The following PDE10A variants were observed in gnomAD, a reference collection of about 807,000 sequenced individuals.
PDE10A encodes cAMP and cAMP-inhibited cGMP 3',5'-cyclic phosphodiesterase 10A.
In PDE10A, 39 loss-of-function variants were observed where a neutral mutation model predicts 97.7. The observed-to-expected ratio is 0.40, with a 90% confidence interval of 0.31 to 0.52. The LOEUF is 0.52. Ranked by LOEUF, PDE10A falls within the 20% of genes least tolerant of loss-of-function variation. The probability of loss-of-function intolerance (pLI) is 0.56; values close to 1 mark genes in which losing one functional copy is unlikely to be tolerated. For missense variants in PDE10A, 731 were observed against 1,047.8 expected (o/e 0.70, Z 4.17); for synonymous variants, 371 against 376.8 (o/e 0.98, Z 0.18).
intron 1 of PDE10A, among the ~76,000 whole-genome samples, chr6:165,723,572 G>C (rs927691886): frequency 1.3e-5 from 2 of 152,188 alleles, no homozygotes; most frequent in African/African-American, 4.8e-5. Flanking sequence ...CTGCTGGGCC[G>C]TGTGAATTCT....
chr6:165,496,046 G>A (rs544195907), intron 2 of PDE10A, among the ~76,000 whole-genome samples: 4 of 151,896 alleles, frequency 2.6e-5, no homozygotes, highest in African/African-American at 7.3e-5. Flanking sequence ...GGAGCAGGAC[G>A]CAGTATAAAA....
intron 18 of PDE10A, among the ~76,000 whole-genome samples, chr6:165,366,304 A>C (rs2128196481): frequency 6.6e-6 from 1 of 152,310 alleles, no homozygotes; most frequent in Middle Eastern, 3.4e-3. Context: ...ACATACAAAC[A>C]TCAGAAAAGT....
intron 1 of PDE10A, among the ~76,000 whole-genome samples, chr6:165,957,816 C>T (rs530007809): frequency 5.3e-5 from 8 of 152,312 alleles, no homozygotes; most frequent in African/African-American, 1.9e-4. Flanking sequence ...GACAGAACCA[C>T]CTTTAAAATA....
chr6:165,862,934 C>T (rs540899821), intron 1 of PDE10A, among the ~76,000 whole-genome samples: 123 of 152,350 alleles, frequency 8.1e-4, no homozygotes, highest in Non-Finnish European at 1.6e-3. Context: ...CCCGCCTTTG[C>T]TTCCCAAAGT....
At chr6:165,925,686 T>G (rs1463553646) in intron 1 of PDE10A, among the ~76,000 whole-genome samples, 2 of 152,178 alleles carry the variant, frequency 1.3e-5, no homozygotes, top group African/African-American at 4.8e-5. Flanking sequence ...GAGGGAGAAC[T>G]AAAAAACAGA....
At chr6:165,510,454 T>G (rs1327289617) in intron 2 of PDE10A, among the ~76,000 whole-genome samples, 1 of 152,074 alleles carries the variant, frequency 6.6e-6, no homozygotes, top group African/African-American at 2.4e-5. Context: ...GATTTTTGCA[T>G]CTATGTTTAT....
intron 1 of PDE10A, among the ~76,000 whole-genome samples, chr6:165,863,254 G>A (rs148875126): frequency 3.1e-3 from 469 of 152,120 alleles, no homozygotes; most frequent in African/African-American, 0.011. Flanking sequence ...CTTTCATTTC[G>A]GGTTGCTCTA....
intron 2 of PDE10A, among the ~76,000 whole-genome samples, chr6:165,488,384 C>A (rs1350883024): frequency 2.6e-5 from 4 of 152,082 alleles, no homozygotes; most frequent in African/African-American, 9.7e-5. Context: ...GTAAGCACAG[C>A]GTTCACAGCA....
intron 1 of PDE10A, among the ~76,000 whole-genome samples, chr6:165,551,825 G>A (rs894032480): frequency 6.6e-6 from 1 of 152,206 alleles, no homozygotes; most frequent in Admixed American, 6.5e-5. Flanking sequence ...GAGGTGGAAA[G>A]AAATCTTTGT....
intron 2 of PDE10A, among the ~76,000 whole-genome samples, chr6:165,507,085 A>G (rs371757363): frequency 8.6e-5 from 13 of 151,540 alleles, no homozygotes; most frequent in African/African-American, 2.7e-4. Flanking sequence ...GCTGCCTTAC[A>G]ACTAGGTTTT....
intron 1 of PDE10A, among the ~76,000 whole-genome samples, chr6:165,614,400 A>C (rs987678372): frequency 6.6e-6 from 1 of 152,136 alleles, no homozygotes; most frequent in African/African-American, 2.4e-5. Context: ...CCTTCCTAGG[A>C]TAACTCCAAG....
chr6:165,444,389 G>A (rs555968633), intron 5 of PDE10A, among the ~76,000 whole-genome samples: 36 of 152,220 alleles, frequency 2.4e-4, no homozygotes, highest in African/African-American at 7.5e-4. Context: ...CTAATATACT[G>A]AGTTTAGTAT....
rs576129033 is a variant in PDE10A at position 165,810,962 on chromosome 6, A to C, written c.-615+176567T>G. Among the ~76,000 whole-genome samples the C allele has an allele frequency of 3.3e-5, 5 of 152,314 alleles. No homozygotes were observed. The South Asian group carries it at 1.0e-3, about 32-fold the overall frequency. On this transcript the variant is annotated intron_variant, in intron 1 of 19. Coordinates refer to the PDE10A transcript ENST00000366882. ...GAAAACAGGCCGGATGTGGTGGCTC[A>C]CACCTGTAATCCCAGCACTTTGGGA...
At chr6:165,648,058 G>A (rs1204630011) in intron 1 of PDE10A, among the ~76,000 whole-genome samples, 1 of 152,078 alleles carries the variant, frequency 6.6e-6, no homozygotes, top group Non-Finnish European at 1.5e-5. Flanking sequence ...CTGTCGCCCA[G>A]GCTGGAGTGC....
At chr6:165,496,386 C>A (rs1297855432) in intron 2 of PDE10A, among the ~76,000 whole-genome samples, 3 of 152,100 alleles carry the variant, frequency 2.0e-5, no homozygotes, top group African/African-American at 4.8e-5. Flanking sequence ...GTCAATAGAT[C>A]TTTCTTCAAA....
intron 1 of PDE10A, among the ~76,000 whole-genome samples, chr6:165,870,227 T>C (rs1043071996): frequency 6.6e-6 from 1 of 152,154 alleles, no homozygotes; most frequent in Admixed American, 6.5e-5. Flanking sequence ...ATCCAGAATA[T>C]GTAAGGAACT....
intron 1 of PDE10A, among the ~76,000 whole-genome samples, chr6:165,721,252 G>A (rs190687934): frequency 3.9e-5 from 6 of 152,264 alleles, no homozygotes; most frequent in Admixed American, 2.0e-4. Flanking sequence ...AAGTGTTTAC[G>A]ATTTAATGCG....
intron 2 of PDE10A, among the ~76,000 whole-genome samples, chr6:165,497,947 T>TA (rs916099077): frequency 1.3e-5 from 2 of 152,198 alleles, no homozygotes; most frequent in Admixed American, 6.5e-5. Flanking sequence ...ATTCATAGTT[T>TA]AAAATGGCTA....
Position 165,902,701 on chromosome 6 carries a change from G to A in PDE10A, c.-615+84828C>T, listed in dbSNP as rs536567637. Reference sequence around the variant, plus strand: ...CCATCCTTCCCATTCCAGGTGTGGCGCACGGGCTGTTCTTGCCAGTGGAAT... The same window carrying A: ...CCATCCTTCCCATTCCAGGTGTGGCACACGGGCTGTTCTTGCCAGTGGAAT... On this transcript the variant is annotated intron_variant, in intron 1 of 19. Coordinates refer to the PDE10A transcript ENST00000366882. 3.5e-4 allele frequency among the ~76,000 whole-genome samples: 53 copies of A among 152,222 alleles called. 2 individuals carry two copies. In the South Asian group the frequency reaches 1.0e-2, roughly 29 times the overall value.
Sources: allele counts gnomAD v4.1 joint callset (sites outside exome capture counted in the v4.1 genomes callset), GRCh38; gene constraint gnomAD v4.1.1; transcripts MANE v1.5; gene names NCBI Gene and HGNC (gene_info 2026-07-23, HGNC 2026-07-21).